The following SBF2 variants were observed in gnomAD, a reference collection of about 807,000 sequenced individuals.
SBF2 encodes SET binding factor 2.
SBF2 carries 112 observed loss-of-function variants against 225.2 expected under a neutral mutation model. The ratio of observed to expected loss-of-function variants is 0.50; its 90% CI spans 0.43 to 0.58. The LOEUF is 0.58. Among genes scored for constraint, SBF2 ranks in the 20% least tolerant of loss-of-function variants. The pLI, the probability that SBF2 is intolerant of heterozygous loss-of-function variation, is 0.00. For missense variants in SBF2, 1,996 were observed against 2,206.2 expected, an observed-to-expected ratio of 0.90 and a Z score of 1.91; for synonymous variants, 763 against 773.3, an observed-to-expected ratio of 0.99 and a Z score of 0.22.
At chr11:10,257,446 AC>A (rs1202963272) in intron 1 of SBF2, among the ~76,000 whole-genome samples, 1 of 152,068 alleles carries the variant, frequency 6.6e-6, no homozygotes, top group Non-Finnish European at 1.5e-5. Flanking sequence ...TGGGAGGACC[AC>A]TTGAGCTCAG....
intron 27 of SBF2, 90 bp downstream of exon 27, chr11:9,832,134 A>G: frequency 8.7e-7 from 1 of 1,151,106 alleles, no homozygotes. Context: ...AGACTTGATG[A>G]AAAGGCACCA....
intron 2 of SBF2, among the ~76,000 whole-genome samples, chr11:10,147,442 A>G (rs1954943773): frequency 6.6e-6 from 1 of 152,198 alleles, no homozygotes; most frequent in Admixed American, 6.5e-5. Flanking sequence ...GCTGGAGGCC[A>G]TTATCCTTAG....
At chr11:9,850,756 A>AT (rs1211263536) in intron 21 of SBF2, among the ~76,000 whole-genome samples, 1 of 152,260 alleles carries the variant, frequency 6.6e-6, no homozygotes, top group Non-Finnish European at 1.5e-5. Context: ...TCATTGAGAA[A>AT]TAACTCAAAT....
intron 2 of SBF2, among the ~76,000 whole-genome samples, chr11:10,192,962 C>G (rs1160989332): frequency 6.6e-6 from 1 of 152,148 alleles, no homozygotes; most frequent in Non-Finnish European, 1.5e-5. Flanking sequence ...CTCAGTTTAC[C>G]ACCATGGATC....
intron 1 of SBF2, among the ~76,000 whole-genome samples, chr11:10,266,799 G>A (rs1056941187): frequency 2.6e-5 from 4 of 152,190 alleles, no homozygotes; most frequent in African/African-American, 9.7e-5. Context: ...GCCTTTAAAC[G>A]GAAGAGGGTC....
chr11:10,194,142 T>C (rs1375027342), intron 1 of SBF2, among the ~76,000 whole-genome samples, 155 bp from the exon 2 acceptor site: 1 of 152,226 alleles, frequency 6.6e-6, no homozygotes, highest in African/African-American at 2.4e-5. Flanking sequence ...GTATGCATCA[T>C]CTAAACATTA....
chr11:10,210,815 C>A (rs538971343), intron 1 of SBF2, among the ~76,000 whole-genome samples: 28 of 151,958 alleles, frequency 1.8e-4, no homozygotes, highest in Non-Finnish European at 3.1e-4. Context: ...GAGTTAGAGA[C>A]CAGCCTGGCC....
At chr11:9,827,532 T>G (rs1232314575) in intron 28 of SBF2, among the ~76,000 whole-genome samples, 3 of 145,950 alleles carry the variant, frequency 2.1e-5, no homozygotes, top group Non-Finnish European at 4.5e-5. Context: ...GACTCTGTCT[T>G]AAAAAAAAAA....
chr11:9,994,246 A>G lies in SBF2; in HGVS notation c.976-248T>C, dbSNP rs11042583. 0.47 allele frequency among the ~76,000 whole-genome samples: 71,584 copies of G among 151,316 alleles called. 17,301 individuals are homozygous for G. The highest frequency in any genetic ancestry group is 0.57 in the Admixed American group (8,694 of 15,226). The stretch of plus-strand genomic sequence containing the variant: ...TCCCAGCACTTTGGGAGGCTGAGGC[A>G]GGCAGATCACGAGGTCAGGAGATCG... On this transcript the variant is annotated intron_variant, in intron 9 of 39. Transcript: ENST00000256190.
At chr11:10,272,087 G>C (rs1962527360) in intron 1 of SBF2, 2 of 1,142,820 alleles carry the variant, frequency 1.8e-6, no homozygotes, top group Non-Finnish European at 2.5e-6. Flanking sequence ...CTCCCGGAAG[G>C]GGTTACTTCC....
At chr11:10,170,322 G>T (rs1451623870) in intron 2 of SBF2, among the ~76,000 whole-genome samples, 1 of 152,078 alleles carries the variant, frequency 6.6e-6, no homozygotes, top group Non-Finnish European at 1.5e-5. Flanking sequence ...AGAAAGAGGG[G>T]TCTAGTTTCT....
At chr11:9,864,245 C>T (rs765975730) in intron 17 of SBF2, among the ~76,000 whole-genome samples, 2 of 152,152 alleles carry the variant, frequency 1.3e-5, no homozygotes, top group African/African-American at 4.8e-5. Flanking sequence ...TATCCTTAAA[C>T]TCAGAATGGT....
chr11:9,839,661 G>T lies in SBF2; in HGVS notation c.3292C>A (p.Leu1098Met). ...DESELPTSTT[L>M]KASEKSTMEQ... ...ATTGTAGACTTCTCGGAGGCCTTCA[G>T]GGTGGTACTTGTGGGGAGCTCACTC... is the stretch of plus-strand genomic sequence containing the variant. Residue 1098 changes from leucine (L) to methionine (M), a missense_variant, in exon 26 of 40, where the codon CTG (leucine) becomes ATG (methionine). By Grantham distance (15) the Leu-to-Met change is conservative. Coordinates refer to ENST00000256190, the MANE Select transcript of SBF2 (RefSeq NM_030962.4). The T allele has an allele frequency of 6.2e-7, 1 of 1,614,104 alleles. No individual in the cohort carries two copies. The highest frequency in any genetic ancestry group is 8.5e-7 in the Non-Finnish European group (1 of 1,179,986).
At chr11:10,198,532 T>C (rs1013909418) in intron 1 of SBF2, among the ~76,000 whole-genome samples, 1 of 152,232 alleles carries the variant, frequency 6.6e-6, no homozygotes, top group African/African-American at 2.4e-5. Flanking sequence ...TTCAGAATGG[T>C]AAATGAGAAA....
At chr11:9,911,950 A>G (rs534161177) in intron 16 of SBF2, among the ~76,000 whole-genome samples, 92 of 152,376 alleles carry the variant, frequency 6.0e-4, no homozygotes, top group African/African-American at 2.1e-3. Context: ...CCCACAGGCC[A>G]CATGCAGCCC....
At chr11:9,841,450 G>T (rs1347611213) in intron 25 of SBF2, among the ~76,000 whole-genome samples, 1 of 152,082 alleles carries the variant, frequency 6.6e-6, no homozygotes, top group Non-Finnish European at 1.5e-5. Flanking sequence ...ATAATGGTGG[G>T]TATTTTCATT....
At chr11:10,196,855 TATATATA>T (rs1305957071) in intron 1 of SBF2, among the ~76,000 whole-genome samples, 35 of 33,930 alleles carry the variant, frequency 1.0e-3, no homozygotes, top group African/African-American at 2.5e-3. Flanking sequence ...TATATATATA[TATATATA>T]TATATTTTTT....
chr11:10,214,267 G>A (rs558450909), intron 1 of SBF2, among the ~76,000 whole-genome samples: 5 of 152,102 alleles, frequency 3.3e-5, no homozygotes, highest in Admixed American at 1.3e-4. Context: ...TTCTAAATAC[G>A]CCTTGGAGAG....
intron 17 of SBF2, among the ~76,000 whole-genome samples, chr11:9,874,644 CTG>C (rs1022137490): frequency 3.3e-5 from 5 of 152,124 alleles, no homozygotes; most frequent in Non-Finnish European, 7.3e-5. Context: ...TATTTTGATG[CTG>C]TGGTCTTCTG....
Sources: gnomAD v4.1 joint callset for allele counts (sites outside exome capture counted in the v4.1 genomes callset) on GRCh38, gnomAD v4.1.1 for gene constraint, MANE v1.5 for transcripts, NCBI Gene and HGNC (gene_info 2026-07-23, HGNC 2026-07-21) for gene names.